The following C1QTNF5 variants were observed in gnomAD, a reference collection of about 807,000 sequenced individuals.
C1QTNF5 encodes the protein C1q and TNF related 5.
Under a neutral mutation model 10.9 loss-of-function variants are expected in C1QTNF5, and 5 were observed. The observed-to-expected ratio is 0.46, with a 90% CI of 0.24 to 0.97. The LOEUF (loss-of-function observed/expected upper bound fraction) is 0.97, where lower values mean the gene tolerates loss of function less well. C1QTNF5 is among the 50% of genes least tolerant of loss of function. C1QTNF5 has a pLI of 0.19. For synonymous variants in C1QTNF5, 161 were observed against 156.5 expected (o/e 1.03, Z -0.22); for missense variants, 281 against 339.4 (o/e 0.83, Z 1.35).
At chr11:119,341,422 C>T (rs886047827), upstream of C1QTNF5, 2 of 780,442 alleles carry the variant, frequency 2.6e-6, no homozygotes, top group Admixed American at 2.6e-5. Context: ...TCTCTTCCCC[C>T]TCCCTGGGAG....
chr11:119,341,318 G>A (rs773489606), upstream of C1QTNF5: 5 of 578,864 alleles, frequency 8.6e-6, no homozygotes, highest in African/African-American at 1.9e-5. Context: ...TTGTCCGGTG[G>A]CACAGTGTGG....
upstream of C1QTNF5, chr11:119,344,808 A>G (rs1372869464): frequency 6.2e-7 from 1 of 1,613,652 alleles, no homozygotes; most frequent in Non-Finnish European, 8.5e-7. Context: ...CACCCCTTTG[A>G]CAGGACTGGG....
At chr11:119,343,324 G>A (rs375760827), upstream of C1QTNF5, among the ~76,000 whole-genome samples, 156 of 152,292 alleles carry the variant, frequency 1.0e-3, 1 homozygote, top group Middle Eastern at 6.8e-3. Flanking sequence ...CAGCCTGGGC[G>A]ATATAGTGAG....
chr11:119,343,800 T>TC (rs1269617085), upstream of C1QTNF5: 1 of 1,613,780 alleles, frequency 6.2e-7, no homozygotes, highest in Non-Finnish European at 8.5e-7. Flanking sequence ...CCATGGCTCT[T>TC]CCCTGGCTCC....
upstream of C1QTNF5, among the ~76,000 whole-genome samples, chr11:119,342,239 C>T (rs955227729): frequency 6.6e-5 from 10 of 152,190 alleles, no homozygotes; most frequent in Admixed American, 3.3e-4. Flanking sequence ...ATGGGGCACC[C>T]GCGTTTGCAG....
chr11:119,341,735 C>T (rs1054153031), upstream of C1QTNF5: 1 of 1,613,368 alleles, frequency 6.2e-7, no homozygotes, highest in Admixed American at 1.7e-5. Flanking sequence ...ACACAGGAGC[C>T]TCCGGAAATG....
chr11:119,344,920 T>C (rs781062962), upstream of C1QTNF5: 3 of 1,612,044 alleles, frequency 1.9e-6, no homozygotes, highest in South Asian at 2.2e-5. Context: ...AACCAAATCC[T>C]TCCACACTGC....
chr11:119,345,087 AT>A (rs1950546922), upstream of C1QTNF5: 1 of 1,528,556 alleles, frequency 6.5e-7, no homozygotes, highest in African/African-American at 1.4e-5. Context: ...TTGCAGTCCT[AT>A]TTTCTCAACC....
At chr11:119,344,596 A>T, upstream of C1QTNF5, 1 of 1,613,646 alleles carries the variant, frequency 6.2e-7, no homozygotes, top group Non-Finnish European at 8.5e-7. Flanking sequence ...CCCAGATCAG[A>T]CGCCTGAAGA....
At chr11:119,341,713 CA>C, upstream of C1QTNF5, 1 of 1,613,184 alleles carries the variant, frequency 6.2e-7, no homozygotes, top group Non-Finnish European at 8.5e-7. Flanking sequence ...TGCAACGGGG[CA>C]CAAGCAGCCC....
chr11:119,344,527 G>A (rs1950538520), upstream of C1QTNF5: 3 of 1,596,742 alleles, frequency 1.9e-6, no homozygotes, highest in African/African-American at 4.0e-5. Context: ...GACTGAGCAG[G>A]AAATGCTGAC....
Position 119,339,986 on chromosome 11 carries a change from C to G in C1QTNF5, c.215-138G>C, listed in dbSNP as rs564545298. On this transcript the variant is annotated intron_variant, in intron 2 of 2. Coordinates refer to ENST00000528368, the MANE Select transcript of C1QTNF5 (RefSeq NM_001278431.2). The surrounding 1 kb of genome is among the most constrained non-coding windows in gnomAD (Gnocchi z 5.4). ...GCCTCCTCCCGCACGGGTACCTCCT[C>G]CACCCCTTCCCGCAGGGCAGATCTG... 402 of 1,306,134 alleles carry G rather than the reference C, an allele frequency of 3.1e-4. 2 individuals carry two copies. The South Asian group carries it at 6.0e-3, about 19-fold the overall frequency. The allele number at this position is 1,306,134 out of a possible 1,614,324, so 80.9% of individuals were successfully genotyped here. A position where few individuals can be genotyped will look rare whatever the true frequency, so the allele number is the denominator to read the frequency against.
chr11:119,343,685 G>T, upstream of C1QTNF5: 1 of 1,169,194 alleles, frequency 8.6e-7, no homozygotes, highest in Non-Finnish European at 1.3e-6. Flanking sequence ...GGGTGATGGT[G>T]AAGAGACCCC....
chr11:119,342,935 G>A (rs368782877), upstream of C1QTNF5: 1 of 1,612,660 alleles, frequency 6.2e-7, no homozygotes, highest in South Asian at 1.1e-5. Flanking sequence ...GCCATGATCT[G>A]TCCTAAACAG....
chr11:119,341,537 C>T (rs752068989), upstream of C1QTNF5: 35 of 1,608,946 alleles, frequency 2.2e-5, no homozygotes, highest in African/African-American at 1.5e-4. Flanking sequence ...GGGCAGGGGC[C>T]GGCTTCAGGG....
upstream of C1QTNF5, chr11:119,343,780 A>G (rs1303997444): frequency 1.2e-6 from 2 of 1,613,056 alleles, no homozygotes; most frequent in East Asian, 4.5e-5. Context: ...GACAGTGAGG[A>G]TGGAGTTATC....
upstream of C1QTNF5, chr11:119,342,608 A>G (rs765223589): frequency 1.2e-6 from 2 of 1,613,252 alleles, no homozygotes; most frequent in South Asian, 2.2e-5. Context: ...GGGGGTGGGA[A>G]CAAGGGGCCG....
upstream of C1QTNF5, chr11:119,341,516 G>C: frequency 6.4e-7 from 1 of 1,572,804 alleles, no homozygotes; most frequent in South Asian, 1.1e-5. Flanking sequence ...AAAAGAGGAC[G>C]GGCAGGAAGA....
At chr11:119,345,773 T>C (rs1415693604), upstream of C1QTNF5, 8 of 1,613,586 alleles carry the variant, frequency 5.0e-6, no homozygotes, top group South Asian at 1.1e-5. Context: ...CAGTACTCAC[T>C]GGACTGTGGG....
Sources: gnomAD v4.1 joint callset for allele counts (sites outside exome capture counted in the v4.1 genomes callset) on GRCh38, gnomAD v4.1.1 for gene constraint, Gnocchi (gnomAD v3.1) non-coding constraint, MANE v1.5 for transcripts, NCBI Gene and HGNC (gene_info 2026-07-23, HGNC 2026-07-21) for gene names.